Variants in ACTL8 observed in about 807,000 individuals in gnomAD.
ACTL8 encodes actin-like protein 8.
Under a neutral mutation model 9.3 loss-of-function variants are expected in ACTL8, and 3 were observed. That is an observed-to-expected ratio of 0.32 (90% confidence interval 0.15 to 0.83). The LOEUF is 0.83. ACTL8 is among the 40% of genes least tolerant of loss of function. The pLI is 0.57. For synonymous variants in ACTL8, 224 were observed against 205.9 expected, an observed-to-expected ratio of 1.09 and a Z score of -0.75; for missense variants, 381 against 492.2, an observed-to-expected ratio of 0.77 and a Z score of 2.14.
chr1:17,777,437 C>T (rs983901088), intron 1 of ACTL8, among the ~76,000 whole-genome samples: 12 of 152,130 alleles, frequency 7.9e-5, no homozygotes, highest in Non-Finnish European at 1.2e-4. Context: ...CCCATTCTCT[C>T]GCACATTCCA....
intron 1 of ACTL8, among the ~76,000 whole-genome samples, chr1:17,799,827 C>T (rs1002972983): frequency 1.8e-4 from 28 of 152,134 alleles, no homozygotes; most frequent in Admixed American, 1.7e-3. Context: ...GCTCCGCCCC[C>T]GCCCCCACCA....
intron 1 of ACTL8, among the ~76,000 whole-genome samples, chr1:17,806,440 C>T (rs1019657602): frequency 1.3e-5 from 2 of 152,218 alleles, no homozygotes; most frequent in Non-Finnish European, 2.9e-5. Context: ...TCCCTGAACC[C>T]GGTTGCTCTT....
intron 1 of ACTL8, among the ~76,000 whole-genome samples, chr1:17,793,023 G>A (rs773456451): frequency 4.6e-5 from 7 of 152,178 alleles, no homozygotes; most frequent in Admixed American, 1.3e-4. Flanking sequence ...AAGCAGGGGC[G>A]GGACAGTTGG....
At chr1:17,803,947 G>A (rs1032175213) in intron 1 of ACTL8, among the ~76,000 whole-genome samples, 9 of 152,046 alleles carry the variant, frequency 5.9e-5, no homozygotes, top group Admixed American at 6.6e-5. Context: ...TTGGATATAC[G>A]CTTACTTCCT....
chr1:17,805,371 CTTTTTCTTTTTTTTTTTTT>C (rs1160317723), intron 1 of ACTL8, among the ~76,000 whole-genome samples: 4 of 120,878 alleles, frequency 3.3e-5, no homozygotes, highest in African/African-American at 1.2e-4. Flanking sequence ...TTTTCTTTTT[CTTTTTCTTTTTTTTTTTTT>C]TTTTTTTTTT....
At chr1:17,776,589 C>T (rs1159875039) in intron 1 of ACTL8, among the ~76,000 whole-genome samples, 1 of 152,196 alleles carries the variant, frequency 6.6e-6, no homozygotes, top group Non-Finnish European at 1.5e-5. Context: ...CTGCCGTCGT[C>T]CCTTCTTCCT....
intron 1 of ACTL8, among the ~76,000 whole-genome samples, chr1:17,765,893 T>C (rs2066040948): frequency 1.3e-5 from 2 of 152,218 alleles, no homozygotes; most frequent in Admixed American, 1.3e-4. Flanking sequence ...TCCTAGGATG[T>C]GAGGCAGAGG....
intron 1 of ACTL8, among the ~76,000 whole-genome samples, chr1:17,816,893 G>C (rs1055300509): frequency 6.6e-6 from 1 of 152,196 alleles, no homozygotes; most frequent in East Asian, 1.9e-4. Flanking sequence ...AGTCTTGGCT[G>C]TGCTGGAAAC....
At chr1:17,821,297 T>C (rs2053658193) in intron 1 of ACTL8, among the ~76,000 whole-genome samples, 1 of 152,244 alleles carries the variant, frequency 6.6e-6, no homozygotes. Flanking sequence ...ATCCAGTTTA[T>C]CAATTTGTTC....
intron 1 of ACTL8, among the ~76,000 whole-genome samples, chr1:17,761,452 A>G (rs1293301924): frequency 6.6e-6 from 1 of 151,920 alleles, no homozygotes; most frequent in Non-Finnish European, 1.5e-5. Flanking sequence ...GTTGGCACAG[A>G]CTCTGTGTGA....
At chr1:17,770,215 T>C (rs1045393754) in intron 1 of ACTL8, among the ~76,000 whole-genome samples, 7 of 152,224 alleles carry the variant, frequency 4.6e-5, no homozygotes, top group African/African-American at 1.7e-4. Flanking sequence ...TCTTTAATCC[T>C]TCCTGCTGCA....
In ACTL8 at chr1:17,826,465, C is replaced by T; in HGVS notation, c.1047C>T (p.Thr349=). 1.2e-6 allele frequency: 2 copies of T among 1,610,466 alleles called. No individual in the cohort carries two copies. Among genetic ancestry groups the T allele is most frequent in the Non-Finnish European group, 1.7e-6 (2 of 1,177,856 alleles). The change falls in exon 3 of 3, where the codon ACC becomes ACT. Residue 349 remains threonine (T), a synonymous_variant. Coordinates refer to ENST00000375406, the MANE Select transcript of ACTL8 (RefSeq NM_030812.3). This position sits in a 1 kb window ranked among gnomAD's most constrained non-coding sequence, Gnocchi z 4.5. ...LGASVVAHLS[T]YQSEWMSREE... is the part of the protein sequence containing the mutation. ...CGTCCGTGGTGGCTCACCTTTCTAC[C>T]TACCAGTCTGAGTGGATGTCCCGAG...
intron 1 of ACTL8, among the ~76,000 whole-genome samples, chr1:17,820,691 C>A (rs1047743953): frequency 6.6e-6 from 1 of 152,126 alleles, no homozygotes; most frequent in Admixed American, 6.5e-5. Flanking sequence ...CCTCAGCCCC[C>A]CCAGTAGCTG....
At chr1:17,797,077 G>A (rs2066282649) in intron 1 of ACTL8, among the ~76,000 whole-genome samples, 1 of 151,968 alleles carries the variant, frequency 6.6e-6, no homozygotes, top group South Asian at 2.1e-4. Context: ...TGAGATCTGG[G>A]GCACCTGCTA....
At chr1:17,812,580 C>T (rs1468674141) in intron 1 of ACTL8, among the ~76,000 whole-genome samples, 2 of 149,726 alleles carry the variant, frequency 1.3e-5, no homozygotes, top group African/African-American at 4.9e-5. Context: ...CAGGCGTACG[C>T]CACCACGCCC....
At chr1:17,807,765 G>C (rs186026465) in intron 1 of ACTL8, among the ~76,000 whole-genome samples, 2 of 151,578 alleles carry the variant, frequency 1.3e-5, no homozygotes, top group East Asian at 3.9e-4. Context: ...AACACCACAC[G>C]TTCTCACTCA....
chr1:17,811,165 T>C (rs1048171597), intron 1 of ACTL8, among the ~76,000 whole-genome samples: 5 of 152,250 alleles, frequency 3.3e-5, no homozygotes, highest in African/African-American at 1.2e-4. Flanking sequence ...TAAAATTTTA[T>C]GGTTTTAATT....
chr1:17,787,014 G>T (rs1337990709), intron 1 of ACTL8, among the ~76,000 whole-genome samples: 2 of 152,042 alleles, frequency 1.3e-5, no homozygotes, highest in Non-Finnish European at 2.9e-5. Flanking sequence ...GACAGTTTTA[G>T]ATAAGTGCAT....
rs753922366 is a variant in ACTL8, at chr1:17,825,922, C to T, written c.504C>T (p.Ala168=). The change falls in exon 3 of 3, where the codon GCC becomes GCT. Residue 168 remains alanine (A), a synonymous_variant. Transcript: ENST00000375406. ...QPFHQGRPLP[A]SGKTLEFAGQ... Reference sequence around the variant, plus strand: ...TCCACCAGGGCCGCCCCTTGCCCGCCAGCGGCAAGACGCTGGAGTTCGCCG... The same window carrying T: ...TCCACCAGGGCCGCCCCTTGCCCGCTAGCGGCAAGACGCTGGAGTTCGCCG... 1.2e-6 allele frequency: 2 copies of T among 1,612,530 alleles called. No homozygotes were observed. The highest frequency in any genetic ancestry group is 1.3e-5 in the African/African-American group (1 of 74,956).
Sources: gnomAD v4.1 joint callset for allele counts (sites outside exome capture counted in the v4.1 genomes callset) on GRCh38, gnomAD v4.1.1 for gene constraint, Gnocchi (gnomAD v3.1) non-coding constraint, MANE v1.5 for transcripts, NCBI Gene and HGNC (gene_info 2026-07-23, HGNC 2026-07-21) for gene names.